OSGIN2: variants seen among roughly 807,000 people sequenced by gnomAD.
OSGIN2 encodes oxidative stress induced growth inhibitor family member 2.
In OSGIN2, 19 loss-of-function variants were observed where a neutral mutation model predicts 53.8. The ratio of observed to expected loss-of-function variants is 0.35; its 90% confidence interval spans 0.25 to 0.52. The LOEUF is 0.52. Ranked by LOEUF, OSGIN2 falls within the 20% of genes least tolerant of loss-of-function variation. OSGIN2 has a pLI of 0.95. For missense variants in OSGIN2, 520 were observed against 662.7 expected (o/e 0.78, Z 2.36); for synonymous variants, 236 against 236.0 (o/e 1.00, Z 0.00).
Position 89,921,090 on chromosome 8 carries a change from G to C in OSGIN2, c.539G>C (p.Gly180Ala). 6.3e-7 allele frequency: 1 copy of C among 1,582,650 alleles called. No homozygotes were observed. Among genetic ancestry groups the C allele is most frequent in the Non-Finnish European group, 8.6e-7 (1 of 1,157,524 alleles). The change falls in exon 5 of 6, where the codon GGC (glycine) becomes GCC (alanine). Residue 180 changes from glycine to alanine, a missense_variant. Gly to Ala is a moderately conservative substitution (Grantham distance 60). Coordinates refer to ENST00000451899, the MANE Select transcript of OSGIN2 (RefSeq NM_001126111.3). ...TTTAAACTCTAATAGAATATGGAAGGCTCCATGTTGACAATCAGCTTTGGA... is the reference window on the plus strand; with the variant it reads ...TTTAAACTCTAATAGAATATGGAAGCCTCCATGTTGACAATCAGCTTTGGA... The part of the protein sequence containing the change: ...PPGGAWHNME[G>A]SMLTISFGSW...
intron 1 of OSGIN2, among the ~76,000 whole-genome samples, chr8:89,906,377 T>A (rs144968826): frequency 4.8e-4 from 73 of 152,344 alleles, no homozygotes; most frequent in African/African-American, 1.6e-3. Context: ...CTGGGCCGCA[T>A]GTGGGTTGAA....
At chr8:89,906,615 C>A (rs1808843618) in intron 1 of OSGIN2, among the ~76,000 whole-genome samples, 1 of 152,118 alleles carries the variant, frequency 6.6e-6, no homozygotes, top group Non-Finnish European at 1.5e-5. Flanking sequence ...TGATCTCATT[C>A]TTTTTTGTGG....
In OSGIN2 at chr8:89,923,001, G is replaced by C. The variant is rs188259333; in HGVS notation, c.621-1502G>C. On this transcript the variant is annotated intron_variant, in intron 5 of 5. Coordinates refer to ENST00000451899, the MANE Select transcript of OSGIN2 (RefSeq NM_001126111.3). The stretch of plus-strand genomic sequence containing the variant: ...ATAAAAGATTTAAAATGGTATACCT[G>C]TGGGAGGTACCATACCAAAAATGGT... 2.8e-3 allele frequency among the ~76,000 whole-genome samples: 430 copies of C among 152,266 alleles called. 1 individual carries two copies. The highest frequency in any genetic ancestry group is 5.0e-3 in the Non-Finnish European group (343 of 68,026).
intron 5 of OSGIN2, among the ~76,000 whole-genome samples, chr8:89,923,747 C>T (rs1423173911): frequency 1.3e-5 from 2 of 152,178 alleles, no homozygotes; most frequent in Admixed American, 6.5e-5. Flanking sequence ...TACAATTGGT[C>T]TATCAGGACA....
At position 89,925,442 on chromosome 8, in the gene OSGIN2, AG is replaced by A; in HGVS notation, c.1564del (p.Ala522ArgfsTer8). The A allele has an allele frequency of 6.2e-7, 1 of 1,614,094 alleles. No homozygotes were observed. Among genetic ancestry groups the A allele is most frequent in the Non-Finnish European group, 8.5e-7 (1 of 1,179,964 alleles). On this transcript the variant is annotated frameshift_variant, in exon 6 of 6. Transcript: ENST00000451899. LOFTEE classifies it high-confidence loss of function. ...ACAATTTTGTTCGATTTTTAAAGGG[AG>A]GGGCGCTGGGTGTTACACGCTGTTT... Reference protein sequence around the residue: ...GDNFVRFLKGGALGVTRCLAT... With the variant: ...GDNFVRFLKGXALGVTRCLAT...
intron 4 of OSGIN2, among the ~76,000 whole-genome samples, chr8:89,917,399 C>A (rs555055343): frequency 6.6e-6 from 1 of 152,314 alleles, no homozygotes; most frequent in South Asian, 2.1e-4. Flanking sequence ...CCTTACTTAC[C>A]CAGCCCAGCT....
At chr8:89,916,232 T>C (rs1809076176) in intron 4 of OSGIN2, among the ~76,000 whole-genome samples, 2 of 149,314 alleles carry the variant, frequency 1.3e-5, no homozygotes, top group Non-Finnish European at 3.0e-5. Flanking sequence ...CAGGCGATAA[T>C]TGATCTGTTT....
rs1491192424 is a variant in OSGIN2, at chr8:89,927,192, AGT to A, written c.*1663_*1664del. On this transcript the variant is annotated 3_prime_UTR_variant, in exon 6 of 6. Transcript: ENST00000451899. ...CTGTCACTTCTAAATAGAAAATGAC[AGT>A]GTTATAAAAAAGGGAAGGATAAAAC... The A allele has an allele frequency of 1.3e-5, 2 of 152,138 alleles. No homozygotes were observed. The highest frequency in any genetic ancestry group is 2.9e-5 in the Non-Finnish European group (2 of 68,026). The allele number at this position is 152,138 out of a possible 1,614,324, so 9.4% of individuals were successfully genotyped here. A position where few individuals can be genotyped will look rare whatever the true frequency, so the allele number is the denominator to read the frequency against.
rs868694906 is a variant in OSGIN2, at chr8:89,914,044, G to A, written c.200-33G>A. 3.1e-6 allele frequency: 5 copies of A among 1,595,140 alleles called. No homozygotes were observed. The African/African-American group carries it at 5.4e-5, about 17-fold the overall frequency. ...AAGGAACAAGAGTATTAAGATGCAT[G>A]ACCTACCCCTTTCCACCTTTTATTT... is the stretch of plus-strand genomic sequence containing the variant. On this transcript the variant is annotated intron_variant, in intron 2 of 5. Coordinates refer to ENST00000451899, the MANE Select transcript of OSGIN2 (RefSeq NM_001126111.3).
intron 1 of OSGIN2, among the ~76,000 whole-genome samples, chr8:89,909,157 T>A (rs1200146970): frequency 6.6e-6 from 1 of 150,938 alleles, no homozygotes; most frequent in Non-Finnish European, 1.5e-5. Flanking sequence ...ATACCGTAAC[T>A]TTTTCTTAAA....
chr8:89,917,190 G>T (rs1047062225), intron 4 of OSGIN2, among the ~76,000 whole-genome samples: 24 of 152,154 alleles, frequency 1.6e-4, no homozygotes, highest in African/African-American at 5.6e-4. Context: ...TGATGATGAT[G>T]TATTCTTCAT....
At chr8:89,908,787 A>G (rs1015212758) in intron 1 of OSGIN2, among the ~76,000 whole-genome samples, 1 of 151,976 alleles carries the variant, frequency 6.6e-6, no homozygotes, top group Non-Finnish European at 1.5e-5. Context: ...AAATAACATT[A>G]AGAAATTATT....
At chr8:89,916,593 C>T (rs1490716979) in intron 4 of OSGIN2, among the ~76,000 whole-genome samples, 4 of 152,228 alleles carry the variant, frequency 2.6e-5, no homozygotes, top group African/African-American at 4.8e-5. Context: ...TGACTTAAGA[C>T]GTAAACTCCT....
intron 4 of OSGIN2, among the ~76,000 whole-genome samples, chr8:89,916,124 G>T (rs1447958105): frequency 6.6e-6 from 1 of 152,114 alleles, no homozygotes; most frequent in East Asian, 1.9e-4. Context: ...AAGCCATAAT[G>T]TATTTGGAAG....
chr8:89,924,800 T>C lies in OSGIN2; in HGVS notation c.918T>C (p.Thr306=), dbSNP rs756403143. 1.2e-6 allele frequency: 2 copies of C among 1,614,196 alleles called. No individual in the cohort carries two copies. Among genetic ancestry groups the C allele is most frequent in the Non-Finnish European group, 1.7e-6 (2 of 1,180,004 alleles). The part of the protein sequence containing the change: ...CLFAENVALA[T]GTLDSPAHLE... Reference sequence around the variant, plus strand: ...TTGCTGAGAATGTAGCGCTGGCAACTGGAACGCTGGATTCTCCTGCCCATC... The same window carrying C: ...TTGCTGAGAATGTAGCGCTGGCAACCGGAACGCTGGATTCTCCTGCCCATC... Residue 306 remains threonine (T), a synonymous_variant, in exon 6 of 6, where the codon ACT becomes ACC. Transcript: ENST00000451899.
In OSGIN2 at chr8:89,924,568, T is replaced by A; in HGVS notation, c.686T>A (p.Val229Asp). ...IARYYKHYVK[V>D]MGLQKNFREN... ...CGCTACTATAAACATTATGTAAAAG[T>A]CATGGGTCTTCAGAAGAATTTCAGA... is the stretch of plus-strand genomic sequence containing the variant. The change falls in exon 6 of 6, where the codon GTC becomes GAC. Residue 229 changes from valine (V) to aspartate (D), a missense_variant. Physicochemically the swap from Val to Asp is radical, Grantham distance 152 (BLOSUM62 -3). This residue lies in a region of OSGIN2 where 78 missense variants were observed against 59.1 expected (regional missense o/e 1.32). Transcript: ENST00000451899. 1 of 1,613,792 alleles carries A rather than the reference T, an allele frequency of 6.2e-7. No individual in the cohort carries two copies. Among genetic ancestry groups the A allele is most frequent in the Non-Finnish European group, 8.5e-7 (1 of 1,179,774 alleles).
intron 5 of OSGIN2, among the ~76,000 whole-genome samples, chr8:89,923,240 T>C (rs563732740): frequency 4.9e-4 from 75 of 152,326 alleles, no homozygotes; most frequent in African/African-American, 1.8e-3. Flanking sequence ...CACTAAGCTG[T>C]AGGAATTTTT....
chr8:89,908,283 G>C (rs1024537949), intron 1 of OSGIN2, among the ~76,000 whole-genome samples: 3 of 152,110 alleles, frequency 2.0e-5, no homozygotes, highest in Admixed American at 2.0e-4. Context: ...ATGTCTGATT[G>C]GTGTCTGTTT....
Position 89,924,885 on chromosome 8 carries a change from G to A in OSGIN2, c.1003G>A (p.Ala335Thr). Residue 335 changes from alanine to threonine, a missense_variant, in exon 6 of 6, where the codon GCT becomes ACT. Coordinates refer to ENST00000451899, the MANE Select transcript of OSGIN2 (RefSeq NM_001126111.3). ...TCATTCAATGCCTGAATTTGGAGCT[G>A]CTATAAACAAAGGAAAGTTGCGTGG... ...VFHSMPEFGA[A>T]INKGKLRGKV... 5 of 1,614,190 alleles carry A rather than the reference G, an allele frequency of 3.1e-6. No individual in the cohort carries two copies. The South Asian group carries it at 4.4e-5, about 14-fold the overall frequency.
Sources: allele counts gnomAD v4.1 joint callset (sites outside exome capture counted in the v4.1 genomes callset), GRCh38; gene constraint gnomAD v4.1.1; regional missense constraint gnomAD v4.1.1; transcripts MANE v1.5; gene names NCBI Gene and HGNC (gene_info 2026-07-23, HGNC 2026-07-21).